ZNF423: variants seen among roughly 807,000 people sequenced by gnomAD.
ZNF423 encodes the protein Ebf-associated zinc finger protein.
ZNF423 carries 12 observed loss-of-function variants against 95.8 expected under a neutral mutation model. That is an observed-to-expected ratio of 0.13 (90% CI 0.08 to 0.20). The LOEUF is 0.20. Among genes scored for constraint, ZNF423 ranks in the 10% least tolerant of loss-of-function variants. ZNF423 has a pLI of 1.00. For missense variants in ZNF423, 1,316 were observed against 1,737.1 expected (o/e 0.76, Z 4.31); for synonymous variants, 749 against 711.9 (o/e 1.05, Z -0.83).
intron 3 of ZNF423, chr16:49,664,062 C>G (rs1035044118): frequency 1.0e-6 from 1 of 985,750 alleles, no homozygotes; most frequent in Non-Finnish European, 1.2e-6. Context: ...CCAGCCACCC[C>G]CTCATCACTG....
intron 5 of ZNF423, among the ~76,000 whole-genome samples, chr16:49,543,780 A>T (rs999917783): frequency 6.6e-6 from 1 of 152,222 alleles, no homozygotes; most frequent in African/African-American, 2.4e-5. Flanking sequence ...ACTCAGGCAC[A>T]GAGCGCCAGC....
At chr16:49,702,517 T>C (rs1354619393) in intron 3 of ZNF423, among the ~76,000 whole-genome samples, 4 of 152,004 alleles carry the variant, frequency 2.6e-5, no homozygotes, top group African/African-American at 4.8e-5. Context: ...CAAGGCGTCA[T>C]GCCGATCAAA....
chr16:49,777,253 G>A (rs1344286095), intron 2 of ZNF423, among the ~76,000 whole-genome samples: 1 of 152,232 alleles, frequency 6.6e-6, no homozygotes, highest in Non-Finnish European at 1.5e-5. Context: ...ATGCCAATGT[G>A]CACATACGTG....
intron 2 of ZNF423, among the ~76,000 whole-genome samples, chr16:49,782,969 A>C (rs1215606224): frequency 6.6e-6 from 1 of 151,986 alleles, no homozygotes; most frequent in Non-Finnish European, 1.5e-5. Context: ...ATTAAAAAAA[A>C]AAAAAAAAAA....
At chr16:49,843,410 C>A (rs2035211724) in intron 1 of ZNF423, among the ~76,000 whole-genome samples, 1 of 152,176 alleles carries the variant, frequency 6.6e-6, no homozygotes, top group South Asian at 2.1e-4. Flanking sequence ...ATTCCAATTA[C>A]CCCCATCCTC....
intron 3 of ZNF423, among the ~76,000 whole-genome samples, chr16:49,702,180 T>A (rs1461358922): frequency 6.6e-6 from 1 of 152,202 alleles, no homozygotes; most frequent in Non-Finnish European, 1.5e-5. Flanking sequence ...CATGTGTTGC[T>A]GACATGTTGA....
chr16:49,606,123 C>T (rs1347969218), intron 5 of ZNF423, among the ~76,000 whole-genome samples: 1 of 152,196 alleles, frequency 6.6e-6, no homozygotes, highest in Non-Finnish European at 1.5e-5. Context: ...TGTCATCAAA[C>T]TGTAAACAGA....
At chr16:49,571,110 GT>G (rs1375723947) in intron 5 of ZNF423, among the ~76,000 whole-genome samples, 4 of 152,148 alleles carry the variant, frequency 2.6e-5, no homozygotes, top group African/African-American at 9.7e-5. Flanking sequence ...ATTTGCTTGG[GT>G]TTTTTGGTTT....
chr16:49,679,888 T>C (rs2031278116), intron 3 of ZNF423, among the ~76,000 whole-genome samples: 1 of 152,148 alleles, frequency 6.6e-6, no homozygotes, highest in African/African-American at 2.4e-5. Flanking sequence ...ACGCACTTCC[T>C]CCCTTCTGAA....
rs553049101 is a variant in ZNF423 at position 49,633,900 on chromosome 16, C to CCTTT, written c.3516+1756_3516+1759dup. ...ACATGCAGCTCTGTTTCTTTTTCTT[C>CCTTT]CTTTCTTTCTTTCTTTTTTTTTTTG... On this transcript the variant is annotated intron_variant, in intron 4 of 7. Transcript: ENST00000563137. Among the ~76,000 whole-genome samples, 779 of 152,040 alleles carry CCTTT rather than the reference C, an allele frequency of 5.1e-3. 9 individuals are homozygous for CCTTT. The highest frequency in any genetic ancestry group is 0.018 in the African/African-American group (747 of 41,498).
chr16:49,506,502 G>T (rs1967648798), intron 7 of ZNF423, among the ~76,000 whole-genome samples: 1 of 136,354 alleles, frequency 7.3e-6, no homozygotes, highest in African/African-American at 2.9e-5. Context: ...AGATGAAATG[G>T]TGTGTAGGTG....
intron 3 of ZNF423, among the ~76,000 whole-genome samples, chr16:49,654,584 G>A (rs1229848864): frequency 3.9e-5 from 6 of 152,238 alleles, no homozygotes; most frequent in Non-Finnish European, 8.8e-5. Context: ...ATCATGGGAG[G>A]CAGGAGCACT....
chr16:49,622,212 C>T (rs1207213963), intron 5 of ZNF423, among the ~76,000 whole-genome samples: 1 of 152,168 alleles, frequency 6.6e-6, no homozygotes, highest in African/African-American at 2.4e-5. Context: ...TTGCTGCCAC[C>T]TCTTGTGGTT....
intron 3 of ZNF423, among the ~76,000 whole-genome samples, chr16:49,657,882 G>C (rs1164573750): frequency 6.6e-6 from 1 of 152,170 alleles, no homozygotes; most frequent in Non-Finnish European, 1.5e-5. Flanking sequence ...AGCCTGCATA[G>C]CCTCCTCCAC....
intron 3 of ZNF423, among the ~76,000 whole-genome samples, chr16:49,662,208 G>C (rs2030273343): frequency 6.6e-6 from 1 of 152,110 alleles, no homozygotes; most frequent in Admixed American, 6.5e-5. Flanking sequence ...CCCCCTGAAG[G>C]GCTCTGGTCC....
chr16:49,747,061 G>A (rs1385604460), intron 2 of ZNF423, among the ~76,000 whole-genome samples: 1 of 152,136 alleles, frequency 6.6e-6, no homozygotes, highest in African/African-American at 2.4e-5. Context: ...GAAAGAGTTT[G>A]AGCCATGCCC....
chr16:49,749,315 A>G (rs1352320985), intron 2 of ZNF423, among the ~76,000 whole-genome samples: 1 of 152,172 alleles, frequency 6.6e-6, no homozygotes, highest in Non-Finnish European at 1.5e-5. Context: ...CTTGACAGGG[A>G]TGCAGGGCGT....
intron 7 of ZNF423, among the ~76,000 whole-genome samples, chr16:49,502,597 C>T (rs1195593126): frequency 6.6e-6 from 1 of 151,922 alleles, no homozygotes; most frequent in African/African-American, 2.4e-5. Flanking sequence ...TAAGTAACCC[C>T]CACACCTTCC....
intron 3 of ZNF423, among the ~76,000 whole-genome samples, chr16:49,709,425 C>T (rs988293757): frequency 4.0e-5 from 6 of 151,864 alleles, no homozygotes; most frequent in African/African-American, 1.5e-4. Context: ...TCATGGAAGA[C>T]ACGTTTATCA....
Sources: allele counts gnomAD v4.1 joint callset (sites outside exome capture counted in the v4.1 genomes callset), GRCh38; gene constraint gnomAD v4.1.1; transcripts MANE v1.5; gene names NCBI Gene and HGNC (gene_info 2026-07-23, HGNC 2026-07-21).